Variants in CCDC50 observed in about 807,000 individuals in gnomAD.
The protein encoded by CCDC50 is coiled-coil domain-containing protein 50.
Under a neutral mutation model 70.2 loss-of-function variants are expected in CCDC50, and 54 were observed. The observed-to-expected ratio is 0.77, with a 90% CI of 0.62 to 0.96. CCDC50 has a LOEUF of 0.96. Ranked by LOEUF, CCDC50 falls within the 50% of genes least tolerant of loss-of-function variation. CCDC50 has a pLI of 0.00. For synonymous variants in CCDC50, 216 were observed against 198.8 expected (o/e 1.09, Z -0.73); for missense variants, 558 against 578.7 (o/e 0.96, Z 0.37).
chr3:191,348,279 A>G (rs2108642021), intron 1 of CCDC50, among the ~76,000 whole-genome samples: 1 of 141,844 alleles, frequency 7.1e-6, no homozygotes, highest in South Asian at 2.2e-4. Flanking sequence ...AATAATGGTG[A>G]CTAAGCTTCT....
chr3:191,333,417 A>C (rs751350293), intron 1 of CCDC50, among the ~76,000 whole-genome samples: 104 of 152,266 alleles, frequency 6.8e-4, no homozygotes, highest in South Asian at 1.0e-3. Context: ...GTAGTCTAAG[A>C]AATTTAGAGC....
rs571441269 is a variant in CCDC50 at position 191,366,010 on chromosome 3, G to C, written c.331-3909G>C. Among the ~76,000 whole-genome samples the C allele has an allele frequency of 9.9e-5, 15 of 152,222 alleles. No homozygotes were observed. In the South Asian group the frequency reaches 3.1e-3, roughly 32 times the overall value. On this transcript the variant is annotated intron_variant, in intron 4 of 11. Transcript: ENST00000392455. ...GGATTGGGATGCTCAACCTGTAAAT[G>C]ACAGAAATACCCTAAGGAAGCCAAC...
chr3:191,359,480 A>G (rs1712409970), intron 3 of CCDC50, among the ~76,000 whole-genome samples: 1 of 152,190 alleles, frequency 6.6e-6, no homozygotes, highest in Admixed American at 6.5e-5. Flanking sequence ...TTTAAATTAT[A>G]AGGAATGGAG....
At chr3:191,372,565 A>AT (rs1393664992) in intron 5 of CCDC50, among the ~76,000 whole-genome samples, 2 of 151,904 alleles carry the variant, frequency 1.3e-5, no homozygotes, top group African/African-American at 4.8e-5. Context: ...TATCTATTTG[A>AT]TTTTTTGCCT....
chr3:191,365,332 T>A (rs17810246), intron 4 of CCDC50, among the ~76,000 whole-genome samples: 48,065 of 151,462 alleles, frequency 0.32, 7,634 homozygotes, highest in Non-Finnish European at 0.32. Context: ...TAGCACTCTT[T>A]AAAAAGATTA....
chr3:191,337,756 A>G (rs774233156), intron 1 of CCDC50, among the ~76,000 whole-genome samples: 13 of 152,148 alleles, frequency 8.5e-5, no homozygotes, highest in Non-Finnish European at 1.3e-4. Context: ...GCCAGCTCTG[A>G]GTAAGGGTCT....
intron 1 of CCDC50, among the ~76,000 whole-genome samples, chr3:191,335,161 T>G (rs189982885): frequency 7.0e-4 from 106 of 152,306 alleles, no homozygotes; most frequent in Non-Finnish European, 1.4e-3. Flanking sequence ...ACAAAAAACA[T>G]GTGAGTTTCA....
intron 4 of CCDC50, among the ~76,000 whole-genome samples, chr3:191,362,388 G>A (rs185622923): frequency 6.6e-6 from 1 of 151,988 alleles, no homozygotes; most frequent in Non-Finnish European, 1.5e-5. Context: ...GCCTCCCAAA[G>A]CACTGGAATT....
intron 3 of CCDC50, among the ~76,000 whole-genome samples, chr3:191,360,481 T>G (rs1437022325): frequency 6.6e-6 from 1 of 152,208 alleles, no homozygotes; most frequent in Non-Finnish European, 1.5e-5. Context: ...AGGTAGAGGC[T>G]TGAATGAAGA....
intron 1 of CCDC50, among the ~76,000 whole-genome samples, chr3:191,355,524 G>T (rs1008902299): frequency 1.3e-5 from 2 of 152,164 alleles, no homozygotes; most frequent in African/African-American, 4.8e-5. Context: ...GCTCTTGCTG[G>T]CTTAGATGTT....
At chr3:191,331,605 G>C (rs1429609979) in intron 1 of CCDC50, among the ~76,000 whole-genome samples, 6 of 152,156 alleles carry the variant, frequency 3.9e-5, no homozygotes, top group Admixed American at 3.9e-4. Flanking sequence ...GTCAGGAATC[G>C]ATGAGATCAC....
At position 191,395,406 on chromosome 3, in the gene CCDC50, C is replaced by T. The variant is rs1296706356; in HGVS notation, c.*3646C>T. On this transcript the variant is annotated 3_prime_UTR_variant, in exon 12 of 12. Coordinates refer to ENST00000392455, the MANE Select transcript of CCDC50 (RefSeq NM_178335.3). ...AATACCCACTATAATATGGTGCATT[C>T]AGTTTACTCCACAAGTGGTTAACAT... The T allele has an allele frequency of 6.6e-6, 1 of 152,156 alleles. No homozygotes were observed. Among genetic ancestry groups the T allele is most frequent in the Non-Finnish European group, 1.5e-5 (1 of 68,012 alleles). 9.4% of individuals were successfully genotyped at this position (152,156 alleles called of 1,614,324 possible). A position where few individuals can be genotyped will look rare whatever the true frequency, so the allele number is the denominator to read the frequency against.
At chr3:191,350,637 A>G (rs1712076399) in intron 1 of CCDC50, among the ~76,000 whole-genome samples, 1 of 141,722 alleles carries the variant, frequency 7.1e-6, no homozygotes, top group African/African-American at 2.5e-5. Flanking sequence ...GAATGTGCAC[A>G]TTATTTGGAT....
chr3:191,358,031 A>G lies in CCDC50; in HGVS notation c.146A>G (p.Asn49Ser), dbSNP rs752906758. 3.1e-6 allele frequency: 5 copies of G among 1,613,884 alleles called. No individual in the cohort carries two copies. In the African/African-American group the frequency reaches 6.7e-5, roughly 22 times the overall value. ...CATTTGGCATCGAACGTTCAGCGGA[A>G]CCGTTTGGTCCAGCATGATCTCCAG... ...EHHLASNVQRNRLVQHDLQVA... is the reference protein window; with the variant it reads ...EHHLASNVQRSRLVQHDLQVA... The change falls in exon 3 of 12, where the codon AAC becomes AGC. Residue 49 changes from asparagine (N) to serine (S), a missense_variant. Physicochemically the swap from Asn to Ser is conservative, Grantham distance 46 (BLOSUM62 1). Coordinates refer to ENST00000392455, the MANE Select transcript of CCDC50 (RefSeq NM_178335.3).
rs1411749646 is a variant in CCDC50, at chr3:191,380,837, C to T, written c.1147C>T (p.Arg383Ter). The T allele has an allele frequency of 5.6e-6, 9 of 1,612,488 alleles. No individual in the cohort carries two copies. Among genetic ancestry groups the T allele is most frequent in the Admixed American group, 1.7e-5 (1 of 59,808 alleles). The change falls in exon 9 of 12, where the codon CGA (arginine) becomes TGA (stop). Residue 383 changes from arginine to a stop codon, truncating the protein, a stop_gained. Coordinates refer to ENST00000392455, the MANE Select transcript of CCDC50 (RefSeq NM_178335.3). LOFTEE classifies it high-confidence loss of function. The part of the protein sequence containing the change: ...AQVAQDEEIA[R>*]LLMAEEKKAY... The stretch of plus-strand genomic sequence containing the variant: ...ACTGTATTTTGTTTAGGAAATCGCT[C>T]GACTTCTAATGGCTGAAGAAAAGAA...
intron 11 of CCDC50, among the ~76,000 whole-genome samples, chr3:191,391,371 G>T (rs528509404): frequency 1.7e-4 from 26 of 152,016 alleles, no homozygotes; most frequent in Non-Finnish European, 3.4e-4. Context: ...CCAATACTGA[G>T]AAAAAGACAA....
At chr3:191,366,261 C>T (rs1031420339) in intron 4 of CCDC50, among the ~76,000 whole-genome samples, 3 of 152,254 alleles carry the variant, frequency 2.0e-5, no homozygotes, top group African/African-American at 7.2e-5. Context: ...ACAGGGCACA[C>T]GTCTGGCCCA....
intron 3 of CCDC50, among the ~76,000 whole-genome samples, chr3:191,359,917 A>G (rs371388459): frequency 6.6e-6 from 1 of 152,212 alleles, no homozygotes; most frequent in African/African-American, 2.4e-5. Context: ...AACCACTCAA[A>G]TATAAATCAG....
chr3:191,350,520 T>C (rs1277585434), intron 1 of CCDC50, among the ~76,000 whole-genome samples: 1 of 142,284 alleles, frequency 7.0e-6, no homozygotes, highest in African/African-American at 2.5e-5. Context: ...TCATGGCAAT[T>C]GTAATTTCCG....
Sources: gnomAD v4.1 joint callset for allele counts (sites outside exome capture counted in the v4.1 genomes callset) on GRCh38, gnomAD v4.1.1 for gene constraint, MANE v1.5 for transcripts, NCBI Gene and HGNC (gene_info 2026-07-23, HGNC 2026-07-21) for gene names.